The following CAMK1D variants were observed in gnomAD, a reference collection of about 807,000 sequenced individuals.
The protein encoded by CAMK1D is calcium/calmodulin dependent protein kinase ID.
In CAMK1D, 9 loss-of-function variants were observed where a neutral mutation model predicts 47.7. The ratio of observed to expected loss-of-function variants is 0.19; its 90% CI spans 0.11 to 0.33. The LOEUF is 0.33. Among genes scored for constraint, CAMK1D ranks in the 10% least tolerant of loss-of-function variants. CAMK1D has a pLI of 1.00. For synonymous variants in CAMK1D, 184 were observed against 184.9 expected (o/e 0.99, Z 0.04); for missense variants, 291 against 488.7 (o/e 0.60, Z 3.81).
At chr10:12,376,191 T>G (rs915753867) in intron 1 of CAMK1D, among the ~76,000 whole-genome samples, 6 of 115,364 alleles carry the variant, frequency 5.2e-5, no homozygotes, top group Middle Eastern at 4.2e-3. Flanking sequence ...AAAAAAAGAA[T>G]AAAAAGAATA....
At chr10:12,798,092 C>T (rs762428481) in intron 6 of CAMK1D, among the ~76,000 whole-genome samples, 3 of 152,192 alleles carry the variant, frequency 2.0e-5, no homozygotes, top group Admixed American at 6.5e-5. Flanking sequence ...CACCACAGAG[C>T]GAGAGGTCAG....
intron 3 of CAMK1D, among the ~76,000 whole-genome samples, chr10:12,696,348 C>T (rs925425970): frequency 6.6e-6 from 1 of 152,034 alleles, no homozygotes; most frequent in Non-Finnish European, 1.5e-5. Flanking sequence ...ATCAGCCTGA[C>T]CAACAAGGCG....
At chr10:12,561,936 A>G (rs954138238) in intron 2 of CAMK1D, among the ~76,000 whole-genome samples, 6 of 152,196 alleles carry the variant, frequency 3.9e-5, no homozygotes, top group African/African-American at 1.2e-4. Context: ...ATGTTGGTTT[A>G]TCTCTCCAGG....
intron 3 of CAMK1D, among the ~76,000 whole-genome samples, chr10:12,692,138 A>G (rs1832954294): frequency 6.6e-6 from 1 of 152,202 alleles, no homozygotes. Flanking sequence ...GGGCTGTATT[A>G]AGAGCACTTG....
intron 8 of CAMK1D, among the ~76,000 whole-genome samples, chr10:12,816,872 CAAAAAAA>C (rs71386122): frequency 3.5e-5 from 2 of 57,444 alleles, no homozygotes; most frequent in African/African-American, 1.1e-4. Context: ...AACTCTGTCT[CAAAAAAA>C]AAAAAAAAAA....
At chr10:12,826,005 C>G in intron 10 of CAMK1D, 1 of 313,766 alleles carries the variant, frequency 3.2e-6, no homozygotes, top group Non-Finnish European at 5.9e-6. Flanking sequence ...GGTGTGGTGG[C>G]GAGCACCTGT....
At chr10:12,379,731 C>A (rs1180246729) in intron 1 of CAMK1D, among the ~76,000 whole-genome samples, 1 of 151,774 alleles carries the variant, frequency 6.6e-6, no homozygotes, top group Admixed American at 6.6e-5. Flanking sequence ...GCAGTCTGGG[C>A]GGCAAAGCGA....
At chr10:12,668,477 G>A (rs545024567) in intron 3 of CAMK1D, among the ~76,000 whole-genome samples, 37 of 152,162 alleles carry the variant, frequency 2.4e-4, no homozygotes, top group Non-Finnish European at 4.7e-4. Flanking sequence ...CCTCTTTCTA[G>A]CCAGGGGAAC....
chr10:12,659,767 T>G (rs970923714), intron 2 of CAMK1D, among the ~76,000 whole-genome samples: 8 of 152,182 alleles, frequency 5.3e-5, no homozygotes, highest in African/African-American at 1.4e-4. Flanking sequence ...GCCTCTCTTT[T>G]TGTGTGAATA....
intron 1 of CAMK1D, among the ~76,000 whole-genome samples, chr10:12,489,005 G>A (rs915813385): frequency 6.6e-6 from 1 of 151,496 alleles, no homozygotes; most frequent in Non-Finnish European, 1.5e-5. Flanking sequence ...GTGTGATCTC[G>A]GCTCACTGCA....
intron 1 of CAMK1D, among the ~76,000 whole-genome samples, chr10:12,522,854 G>A (rs1244834443): frequency 7.8e-5 from 6 of 76,482 alleles, no homozygotes; most frequent in South Asian, 5.9e-4. Context: ...CGGACAGGGC[G>A]GCTGGCCGGG....
chr10:12,379,534 A>C (rs570910585), intron 1 of CAMK1D, among the ~76,000 whole-genome samples: 1 of 151,838 alleles, frequency 6.6e-6, no homozygotes, highest in Non-Finnish European at 1.5e-5. Context: ...CAGTGGATCA[A>C]CTGAGGTCAG....
chr10:12,679,754 A>G (rs953977343), intron 3 of CAMK1D, among the ~76,000 whole-genome samples: 3 of 152,050 alleles, frequency 2.0e-5, no homozygotes, highest in African/African-American at 7.2e-5. Context: ...ACCACGACGG[A>G]CTAAATCCCT....
chr10:12,438,541 AT>A (rs1167660933), intron 1 of CAMK1D, among the ~76,000 whole-genome samples: 1 of 152,088 alleles, frequency 6.6e-6, no homozygotes, highest in African/African-American at 2.4e-5. Context: ...CTTTAAAAAA[AT>A]TTTTTTGAGG....
chr10:12,789,960 T>C (rs1588930744), intron 5 of CAMK1D, among the ~76,000 whole-genome samples: 1 of 152,250 alleles, frequency 6.6e-6, no homozygotes, highest in Non-Finnish European at 1.5e-5. Context: ...CACTAACATA[T>C]AGTGAGTGCC....
intron 6 of CAMK1D, among the ~76,000 whole-genome samples, chr10:12,792,778 T>C (rs1036681812): frequency 2.6e-5 from 4 of 152,216 alleles, no homozygotes. Flanking sequence ...TTTATGGAAA[T>C]TGGTAAAGGG....
intron 1 of CAMK1D, among the ~76,000 whole-genome samples, chr10:12,414,052 T>C (rs1250009301): frequency 6.6e-6 from 1 of 152,198 alleles, no homozygotes; most frequent in African/African-American, 2.4e-5. Context: ...AAAATTAAGA[T>C]TTAGCAACTC....
intron 3 of CAMK1D, among the ~76,000 whole-genome samples, chr10:12,672,925 T>C (rs1237158299): frequency 2.7e-5 from 4 of 148,232 alleles, no homozygotes; most frequent in African/African-American, 1.0e-4. Context: ...TAGTCAGAGT[T>C]TTGCTTTATT....
intron 2 of CAMK1D, among the ~76,000 whole-genome samples, chr10:12,652,131 A>G (rs1839990217): frequency 6.6e-6 from 1 of 152,060 alleles, no homozygotes; most frequent in Admixed American, 6.6e-5. Context: ...ATGTGTCAGT[A>G]ATAGTCTTTA....
Sources: gnomAD v4.1 joint callset for allele counts (sites outside exome capture counted in the v4.1 genomes callset) on GRCh38, gnomAD v4.1.1 for gene constraint, MANE v1.5 for transcripts, NCBI Gene and HGNC (gene_info 2026-07-23, HGNC 2026-07-21) for gene names.